The following MAGI2 variants were observed in gnomAD, a reference collection of about 807,000 sequenced individuals.
MAGI2 encodes membrane associated guanylate kinase, WW and PDZ domain containing 2, also known as membrane-associated guanylate kinase, WW and PDZ domain-containing protein 2.
In MAGI2, 35 loss-of-function variants were observed where a neutral mutation model predicts 133.3. The ratio of observed to expected loss-of-function variants is 0.26; its 90% CI spans 0.20 to 0.35. The LOEUF (loss-of-function observed/expected upper bound fraction) is 0.35, where lower values mean the gene tolerates loss of function less well. Among genes scored for constraint, MAGI2 ranks in the 10% least tolerant of loss-of-function variants. The probability of loss-of-function intolerance (pLI) is 1.00; values close to 1 mark genes in which losing one functional copy is unlikely to be tolerated. For synonymous variants in MAGI2, 729 were observed against 710.6 expected (o/e 1.03, Z -0.41); for missense variants, 1,636 against 1,863.4 (o/e 0.88, Z 2.25).
intron 5 of MAGI2, chr7:78,490,138 A>C (rs1190749223): frequency 5.1e-6 from 2 of 391,598 alleles, no homozygotes; most frequent in African/African-American, 4.1e-5. Flanking sequence ...ATTTATTACA[A>C]ATACAGGATT....
chr7:79,301,354 G>C (rs1338291746), intron 1 of MAGI2, among the ~76,000 whole-genome samples: 3 of 152,234 alleles, frequency 2.0e-5, no homozygotes, highest in Admixed American at 1.3e-4. Flanking sequence ...CAAGGCCTTG[G>C]AAGCTCACTC....
At chr7:79,450,036 CA>C (rs756683588) in intron 1 of MAGI2, among the ~76,000 whole-genome samples, 2 of 151,646 alleles carry the variant, frequency 1.3e-5, no homozygotes, top group East Asian at 3.9e-4. Flanking sequence ...TTACCTGGTG[CA>C]CTTATTAACA....
At chr7:79,361,804 A>C (rs574657909) in intron 1 of MAGI2, among the ~76,000 whole-genome samples, 1 of 152,220 alleles carries the variant, frequency 6.6e-6, no homozygotes, top group East Asian at 1.9e-4. Context: ...AAATCTCTAA[A>C]TACATGGAAA....
rs116568222 is a variant in MAGI2 at position 78,307,197 on chromosome 7, C to A, written c.1408+36581G>T. Reference sequence around the variant, plus strand: ...TGCCCAAAGGACAACTTTTGTAATACAAAAGGTAATTTTATTTACCCTTGT... The same window carrying A: ...TGCCCAAAGGACAACTTTTGTAATAAAAAAGGTAATTTTATTTACCCTTGT... On this transcript the variant is annotated intron_variant, in intron 9 of 21. Coordinates refer to ENST00000354212, the MANE Select transcript of MAGI2 (RefSeq NM_012301.4). 5.3e-3 allele frequency among the ~76,000 whole-genome samples: 813 copies of A among 152,204 alleles called. 7 individuals are homozygous for A. The highest frequency in any genetic ancestry group is 0.019 in the African/African-American group (788 of 41,544).
chr7:78,912,466 C>T (rs1798470316), intron 2 of MAGI2, among the ~76,000 whole-genome samples: 1 of 151,712 alleles, frequency 6.6e-6, no homozygotes, highest in African/African-American at 2.4e-5. Flanking sequence ...AAAGGCAGAC[C>T]CACCCTTAAT....
intron 1 of MAGI2, among the ~76,000 whole-genome samples, chr7:79,228,078 C>T (rs894673305): frequency 1.3e-5 from 2 of 151,950 alleles, no homozygotes; most frequent in African/African-American, 2.4e-5. Flanking sequence ...GGTGCCTTGT[C>T]TTACATCTGT....
chr7:78,786,941 T>C (rs1826869243), intron 2 of MAGI2, among the ~76,000 whole-genome samples: 1 of 151,968 alleles, frequency 6.6e-6, no homozygotes, highest in South Asian at 2.1e-4. Flanking sequence ...ATGAATTGAA[T>C]TGTTTCTTTC....
intron 1 of MAGI2, among the ~76,000 whole-genome samples, chr7:79,246,633 G>C (rs1832841276): frequency 6.6e-6 from 1 of 151,916 alleles, no homozygotes; most frequent in Admixed American, 6.6e-5. Flanking sequence ...GAATGAAAAA[G>C]AATGAAGTAT....
intron 1 of MAGI2, among the ~76,000 whole-genome samples, chr7:79,098,242 C>T (rs1417727498): frequency 6.6e-6 from 1 of 152,170 alleles, no homozygotes; most frequent in African/African-American, 2.4e-5. Context: ...GAGGACTTTG[C>T]TGAAGGTAAA....
At chr7:78,564,713 G>A (rs1800751861) in intron 3 of MAGI2, among the ~76,000 whole-genome samples, 1 of 147,696 alleles carries the variant, frequency 6.8e-6, no homozygotes, top group African/African-American at 2.5e-5. Context: ...CGATCATTTA[G>A]CTCTGAATTC....
intron 1 of MAGI2, among the ~76,000 whole-genome samples, chr7:79,223,295 A>G (rs372399057): frequency 2.0e-5 from 3 of 151,996 alleles, no homozygotes; most frequent in African/African-American, 7.3e-5. Context: ...TCCATTACCA[A>G]TCTTTAGAAT....
At chr7:78,065,452 C>G (rs1261072868) in intron 21 of MAGI2, 3 of 574,338 alleles carry the variant, frequency 5.2e-6, no homozygotes, top group Non-Finnish European at 9.2e-6. Flanking sequence ...TACATATATT[C>G]CAGAACTCTA....
chr7:79,066,884 G>C (rs1468244675), intron 1 of MAGI2, among the ~76,000 whole-genome samples: 1 of 152,066 alleles, frequency 6.6e-6, no homozygotes, highest in African/African-American at 2.4e-5. Context: ...CCCATTGCTT[G>C]TTTTTGTCAT....
At chr7:79,332,588 A>G (rs1408330817) in intron 1 of MAGI2, among the ~76,000 whole-genome samples, 1 of 152,196 alleles carries the variant, frequency 6.6e-6, no homozygotes, top group African/African-American at 2.4e-5. Flanking sequence ...ATAGGTAGGG[A>G]GTACATAGGA....
intron 2 of MAGI2, among the ~76,000 whole-genome samples, chr7:78,951,703 C>G (rs192574295): frequency 6.6e-6 from 1 of 152,144 alleles, no homozygotes; most frequent in African/African-American, 2.4e-5. Context: ...TTAACTTTCC[C>G]CTTTATCTCT....
rs577720885 is a variant in MAGI2, at chr7:78,299,851, G to A, written c.1409-43270C>T. Among the ~76,000 whole-genome samples, 284 of 151,982 alleles carry A rather than the reference G, an allele frequency of 1.9e-3. 3 individuals carry two copies. Among genetic ancestry groups the A allele is most frequent in the African/African-American group, 6.6e-3 (274 of 41,456 alleles). ...CTTTTGTGGGTATTGTATTTAAAAT[G>A]GCAAAAATTAATTTAATACAATTAA... is the stretch of plus-strand genomic sequence containing the variant. On this transcript the variant is annotated intron_variant, in intron 9 of 21. Transcript: ENST00000354212.
At chr7:79,358,485 A>G (rs1842170267) in intron 1 of MAGI2, among the ~76,000 whole-genome samples, 2 of 152,230 alleles carry the variant, frequency 1.3e-5, no homozygotes, top group South Asian at 4.1e-4. Context: ...ATGGTAGTCT[A>G]TAGATAAAAG....
chr7:78,816,109 G>A (rs1789556274), intron 2 of MAGI2, among the ~76,000 whole-genome samples: 1 of 152,192 alleles, frequency 6.6e-6, no homozygotes, highest in Non-Finnish European at 1.5e-5. Context: ...AACACCTTAA[G>A]TGCCAATATG....
At chr7:78,612,927 C>T (rs534901376) in intron 3 of MAGI2, among the ~76,000 whole-genome samples, 51 of 152,304 alleles carry the variant, frequency 3.3e-4, no homozygotes, top group African/African-American at 1.1e-3. Flanking sequence ...GCCTCGGCCT[C>T]CCAAAGTGCT....
Sources: gnomAD v4.1 joint callset for allele counts (sites outside exome capture counted in the v4.1 genomes callset) on GRCh38, gnomAD v4.1.1 for gene constraint, MANE v1.5 for transcripts, NCBI Gene and HGNC (gene_info 2026-07-23, HGNC 2026-07-21) for gene names.